IL7: variants seen among roughly 807,000 people sequenced by gnomAD.
The protein encoded by IL7 is interleukin 7.
Under a neutral mutation model 21.6 loss-of-function variants are expected in IL7, and 3 were observed. The observed-to-expected ratio is 0.14, with a 90% confidence interval of 0.06 to 0.36. The LOEUF (loss-of-function observed/expected upper bound fraction) is 0.36, where lower values mean the gene tolerates loss of function less well. Ranked by LOEUF, IL7 falls within the 10% of genes least tolerant of loss-of-function variation. The probability of loss-of-function intolerance (pLI) is 1.00; values close to 1 mark genes in which losing one functional copy is unlikely to be tolerated. For synonymous variants in IL7, 62 were observed against 68.1 expected, an observed-to-expected ratio of 0.91 and a Z score of 0.44; for missense variants, 175 against 200.2, an observed-to-expected ratio of 0.87 and a Z score of 0.76.
At chr8:78,740,609 G>A (rs1404888122) in intron 2 of IL7, among the ~76,000 whole-genome samples, 1 of 152,162 alleles carries the variant, frequency 6.6e-6, no homozygotes, top group African/African-American at 2.4e-5. Flanking sequence ...ACTCTTTTCA[G>A]TTGAGCTGAG....
At chr8:78,687,374 T>C (rs998274284) in intron 3 of IL7, among the ~76,000 whole-genome samples, 4 of 150,750 alleles carry the variant, frequency 2.7e-5, no homozygotes, top group African/African-American at 9.7e-5. Context: ...AGAGATATAG[T>C]ATATCTACAG....
At chr8:78,785,678 A>G (rs536978107) in intron 2 of IL7, among the ~76,000 whole-genome samples, 4 of 152,182 alleles carry the variant, frequency 2.6e-5, no homozygotes, top group Admixed American at 2.6e-4. Flanking sequence ...CTTATATTCT[A>G]GGTTTCTTTT....
chr8:78,725,620 A>G (rs562367942), intron 3 of IL7, among the ~76,000 whole-genome samples: 4 of 152,178 alleles, frequency 2.6e-5, no homozygotes, highest in African/African-American at 9.6e-5. Context: ...TGGCTGTAGT[A>G]ATGGGGGATG....
intron 2 of IL7, among the ~76,000 whole-genome samples, chr8:78,742,633 T>TATTTTATCTTTATGGTGA (rs1372209747): frequency 6.6e-6 from 1 of 152,224 alleles, no homozygotes; most frequent in African/African-American, 2.4e-5. Flanking sequence ...AATTTGACTA[T>TATTTTATCTTTATGGTGA]ATTTTATCTT....
At chr8:78,689,414 C>T (rs970068586) in intron 3 of IL7, 47 of 1,503,790 alleles carry the variant, frequency 3.1e-5, no homozygotes, top group Non-Finnish European at 3.8e-5. Context: ...GAGAAAATGG[C>T]TCATGGACAT....
intron 3 of IL7, 38 bp downstream of exon 3, chr8:78,739,964 T>C: frequency 6.8e-7 from 1 of 1,480,156 alleles, no homozygotes; most frequent in Non-Finnish European, 8.9e-7. Context: ...TTCTATAAAA[T>C]CAAGCTTGAA....
At chr8:78,713,116 C>A (rs888082181), downstream of IL7, among the ~76,000 whole-genome samples, 1 of 151,876 alleles carries the variant, frequency 6.6e-6, no homozygotes, top group African/African-American at 2.4e-5. Flanking sequence ...AAGTACAATT[C>A]CAAAATTAAA....
In IL7 at chr8:78,760,517, G is replaced by T; in HGVS notation, c.148-20435C>A. ...CCAACAATGAAGCTCAGCTGACAGCGTGTCAGGATTGGGTAAGTCACTTCT... is the reference window on the plus strand; with the variant it reads ...CCAACAATGAAGCTCAGCTGACAGCTTGTCAGGATTGGGTAAGTCACTTCT... On this transcript the variant is annotated intron_variant, in intron 2 of 5. Coordinates refer to ENST00000263851, the MANE Select transcript of IL7 (RefSeq NM_000880.4). 3.3e-6 allele frequency: 5 copies of T among 1,537,004 alleles called. No individual in the cohort carries two copies. In the South Asian group the frequency reaches 5.2e-5, roughly 16 times the overall value.
chr8:78,719,829 T>C (rs1166262753), intron 5 of IL7: 1 of 151,832 alleles, frequency 6.6e-6, no homozygotes, highest in Non-Finnish European at 1.5e-5. Context: ...TAATGAAATA[T>C]AAATAAAATA....
chr8:78,689,160 A>AT, intron 3 of IL7: 1 of 1,266,992 alleles, frequency 7.9e-7, no homozygotes, highest in Non-Finnish European at 1.0e-6. Context: ...GAAACTTAAG[A>AT]TTTTTTAATG....
intron 2 of IL7, among the ~76,000 whole-genome samples, chr8:78,767,658 A>G (rs571262495): frequency 6.1e-4 from 93 of 152,222 alleles, no homozygotes; most frequent in Non-Finnish European, 1.1e-3. Flanking sequence ...TAATATTTAC[A>G]ATAGCTATCT....
intron 4 of IL7, among the ~76,000 whole-genome samples, chr8:78,737,619 C>A (rs1026905188): frequency 4.6e-5 from 7 of 152,088 alleles, no homozygotes; most frequent in Non-Finnish European, 1.0e-4. Flanking sequence ...AGATAATCTA[C>A]ATTTTTATCA....
intron 3 of IL7, among the ~76,000 whole-genome samples, chr8:78,693,386 A>G (rs1413053607): frequency 2.0e-5 from 3 of 152,176 alleles, no homozygotes; most frequent in Non-Finnish European, 2.9e-5. Flanking sequence ...CATCCTCTCC[A>G]GCACCTGTTG....
chr8:78,767,166 T>G (rs945916579), intron 2 of IL7, among the ~76,000 whole-genome samples: 6 of 152,008 alleles, frequency 3.9e-5, no homozygotes, highest in Admixed American at 3.9e-4. Flanking sequence ...TTAAAAAAAT[T>G]TTTGATATTT....
downstream of IL7, among the ~76,000 whole-genome samples, chr8:78,730,571 T>C (rs1295999121): frequency 1.3e-5 from 2 of 152,068 alleles, no homozygotes; most frequent in East Asian, 1.9e-4. Context: ...AAATTAGTTA[T>C]GTTTTCTGGT....
intron 2 of IL7, among the ~76,000 whole-genome samples, chr8:78,763,541 T>A (rs1030536566): frequency 6.6e-6 from 1 of 152,178 alleles, no homozygotes; most frequent in Non-Finnish European, 1.5e-5. Flanking sequence ...ACAAATATTA[T>A]GAGCAACTCT....
At chr8:78,790,440 A>T (rs1172901542) in intron 2 of IL7, among the ~76,000 whole-genome samples, 1 of 152,198 alleles carries the variant, frequency 6.6e-6, no homozygotes, top group East Asian at 1.9e-4. Flanking sequence ...GGCTTCCTAG[A>T]TTATTCAAAA....
downstream of IL7, among the ~76,000 whole-genome samples, chr8:78,716,055 A>G (rs1811090442): frequency 6.6e-6 from 1 of 150,406 alleles, no homozygotes; most frequent in Admixed American, 6.6e-5. Context: ...AAAAAAAAAA[A>G]GGCTGTTATA....
At chr8:78,685,253 C>G (rs1266948075) in intron 4 of IL7, among the ~76,000 whole-genome samples, 1 of 16,624 alleles carries the variant, frequency 6.0e-5, no homozygotes, top group South Asian at 3.5e-3. Context: ...AACTGCATAG[C>G]CATGTTAAAA....
Sources: allele counts gnomAD v4.1 joint callset (sites outside exome capture counted in the v4.1 genomes callset), GRCh38; gene constraint gnomAD v4.1.1; transcripts MANE v1.5; gene names NCBI Gene and HGNC (gene_info 2026-07-23, HGNC 2026-07-21).